The following PDYN variants were observed in gnomAD, a reference collection of about 807,000 sequenced individuals.
PDYN encodes proenkephalin-B.
PDYN carries 5 observed loss-of-function variants against 11.4 expected under a neutral mutation model. That is an observed-to-expected ratio of 0.44 (90% CI 0.23 to 0.92). The LOEUF is 0.92. Ranked by LOEUF, PDYN falls within the 40% of genes least tolerant of loss-of-function variation. The pLI is 0.24. For synonymous variants in PDYN, 132 were observed against 129.5 expected (o/e 1.02, Z -0.13); for missense variants, 337 against 317.3 (o/e 1.06, Z -0.47).
intron 2 of PDYN, among the ~76,000 whole-genome samples, chr20:1,992,016 C>G (rs1232004606): frequency 2.0e-5 from 3 of 152,258 alleles, no homozygotes; most frequent in Non-Finnish European, 4.4e-5. Flanking sequence ...AGAGAAAGGT[C>G]CAACCTCACC....
rs183632586 is a variant in PDYN at position 1,993,145 on chromosome 20, A to T, written c.-79-502T>A. On this transcript the variant is annotated intron_variant, in intron 1 of 3. Coordinates refer to ENST00000217305, the MANE Select transcript of PDYN (RefSeq NM_024411.5). ...TACTTTTCTGAATATGGGTCTCTGG[A>T]CCAGTGAGCAAATGGCTTTCCCTTT... Among the ~76,000 whole-genome samples, 6 of 147,764 alleles carry T rather than the reference A, an allele frequency of 4.1e-5. No individual in the cohort carries two copies. In the South Asian group the frequency reaches 8.5e-4, roughly 21 times the overall value.
intron 2 of PDYN, among the ~76,000 whole-genome samples, chr20:1,990,766 G>T (rs189412668): frequency 1.0e-3 from 154 of 152,124 alleles, no homozygotes; most frequent in African/African-American, 3.5e-3. Flanking sequence ...GGCAAAAAGA[G>T]GATAAGCTAG....
chr20:1,992,098 G>T (rs905091782), intron 2 of PDYN, among the ~76,000 whole-genome samples: 9 of 152,162 alleles, frequency 5.9e-5, no homozygotes, highest in African/African-American at 2.2e-4. Context: ...CAGGCATTTT[G>T]CTATATCCCA....
At chr20:1,986,697 G>A (rs1173206268) in intron 2 of PDYN, among the ~76,000 whole-genome samples, 1 of 152,200 alleles carries the variant, frequency 6.6e-6, no homozygotes, top group African/African-American at 2.4e-5. Context: ...AGATCATATA[G>A]TCTGTCCAAG....
intron 2 of PDYN, among the ~76,000 whole-genome samples, chr20:1,990,448 G>A (rs751009468): frequency 1.3e-5 from 2 of 152,198 alleles, no homozygotes; most frequent in Non-Finnish European, 2.9e-5. Flanking sequence ...CTGGAAAAGC[G>A]GTGCCCCTTG....
intron 3 of PDYN, among the ~76,000 whole-genome samples, chr20:1,981,931 A>ATAAATAAAT (rs1987830823): frequency 1.4e-5 from 2 of 143,580 alleles, no homozygotes; most frequent in African/African-American, 5.4e-5. Context: ...GTCTCAAACA[A>ATAAATAAAT]AAATAAATAA....
At chr20:1,990,187 G>A (rs2122389759) in intron 2 of PDYN, among the ~76,000 whole-genome samples, 1 of 152,310 alleles carries the variant, frequency 6.6e-6, no homozygotes, top group South Asian at 2.1e-4. Flanking sequence ...GGAAAACAGA[G>A]GCTCAGAGTC....
At chr20:1,993,400 G>A (rs544040193) in intron 1 of PDYN, among the ~76,000 whole-genome samples, 10 of 152,206 alleles carry the variant, frequency 6.6e-5, no homozygotes, top group Admixed American at 2.0e-4. Flanking sequence ...AACACAATCC[G>A]AAAAGAATGA....
chr20:1,980,194 C>T lies in PDYN; in HGVS notation c.*129G>A. 2.1e-6 allele frequency: 2 copies of T among 958,090 alleles called. No homozygotes were observed. The highest frequency in any genetic ancestry group is 3.5e-5 in the Admixed American group (2 of 56,994). The allele number at this position is 958,090 out of a possible 1,614,324, so 59.3% of individuals were successfully genotyped here. A position where few individuals can be genotyped will look rare whatever the true frequency, so the allele number is the denominator to read the frequency against. ...CCACGCAGAAGAGAGATAGGCTGGG[C>T]TTGGATATTTTGTACACAATGCTGA... On this transcript the variant is annotated 3_prime_UTR_variant, in exon 4 of 4. Transcript: ENST00000217305.
At chr20:1,991,010 G>C (rs987242892) in intron 2 of PDYN, among the ~76,000 whole-genome samples, 3 of 151,122 alleles carry the variant, frequency 2.0e-5, no homozygotes, top group Admixed American at 1.3e-4. Context: ...AGAAGGGAAG[G>C]GGGTGAGGAG....
chr20:1,985,609 G>A (rs1988135108), intron 2 of PDYN, among the ~76,000 whole-genome samples: 1 of 152,138 alleles, frequency 6.6e-6, no homozygotes, highest in Non-Finnish European at 1.5e-5. Flanking sequence ...CAAGAAAACT[G>A]GTGCTCAGAG....
chr20:1,979,666 T>A lies in PDYN; in HGVS notation c.*657A>T, dbSNP rs1351642711. ...TTTTCTGAACAATGAGGACTCAGAGTACACTGACTAAACATTAAACCCACT... is the reference window on the plus strand; with the variant it reads ...TTTTCTGAACAATGAGGACTCAGAGAACACTGACTAAACATTAAACCCACT... On this transcript the variant is annotated 3_prime_UTR_variant, in exon 4 of 4. Transcript: ENST00000217305. The A allele has an allele frequency of 6.4e-6, 1 of 157,000 alleles. No individual in the cohort carries two copies. The allele number at this position is 157,000 out of a possible 1,614,324, so 9.7% of individuals were successfully genotyped here.
chr20:1,994,118 T>A (rs1988565056), upstream of PDYN: 2 of 153,208 alleles, frequency 1.3e-5, no homozygotes, highest in African/African-American at 4.8e-5. Flanking sequence ...CGCTCAGCCC[T>A]TGCTGAGCAC....
Position 1,983,070 on chromosome 20 carries a change from C to T in PDYN, c.15G>A (p.Gly5=), listed in dbSNP as rs759994475. ...TGAGGAGGCAGGCAGCCAGGACCAG[C>T]CCCTGCCAGGCCATCCTGTCTCAGC... is the stretch of plus-strand genomic sequence containing the variant. The part of the protein sequence containing the change: MAWQ[G]LVLAACLLMF... The change falls in exon 3 of 4, where the codon GGG becomes GGA. Residue 5 remains glycine, a synonymous_variant. Coordinates refer to ENST00000217305, the MANE Select transcript of PDYN (RefSeq NM_024411.5). 3 of 1,613,416 alleles carry T rather than the reference C, an allele frequency of 1.9e-6. No homozygotes were observed. The African/African-American group carries it at 4.0e-5, about 22-fold the overall frequency.
At chr20:1,988,655 C>T (rs1988300683) in intron 2 of PDYN, among the ~76,000 whole-genome samples, 1 of 152,214 alleles carries the variant, frequency 6.6e-6, no homozygotes, top group South Asian at 2.1e-4. Context: ...ACAGACTTGG[C>T]CAAGGACCCG....
chr20:1,979,854 AAGTTCTAC>A lies in PDYN; in HGVS notation c.*461_*468del, dbSNP rs1442054584. 3.5e-5 allele frequency: 6 copies of A among 173,636 alleles called. No homozygotes were observed. The highest frequency in any genetic ancestry group is 6.3e-5 in the Non-Finnish European group (5 of 79,382). The allele number at this position is 173,636 out of a possible 1,614,324, so 10.8% of individuals were successfully genotyped here. On this transcript the variant is annotated 3_prime_UTR_variant, in exon 4 of 4. Transcript: ENST00000217305. ...GTGTATGATTATTTACCTTCTTTTA[AAGTTCTAC>A]TCTTTGTTTATGATGTGTATACTAT...
At chr20:1,982,706 G>C (rs1386500839) in intron 3 of PDYN, among the ~76,000 whole-genome samples, 1 of 152,176 alleles carries the variant, frequency 6.6e-6, no homozygotes, top group East Asian at 1.9e-4. Flanking sequence ...CTGTTGCCAG[G>C]CATCACTCTC....
Sources: gnomAD v4.1 joint callset for allele counts (sites outside exome capture counted in the v4.1 genomes callset) on GRCh38, gnomAD v4.1.1 for gene constraint, MANE v1.5 for transcripts, NCBI Gene and HGNC (gene_info 2026-07-23, HGNC 2026-07-21) for gene names.